The following CTNNA3 variants were observed in gnomAD, a reference collection of about 807,000 sequenced individuals.
The protein encoded by CTNNA3 is catenin alpha 3, also known as catenin alpha-3.
CTNNA3 carries 76 observed loss-of-function variants against 95.7 expected under a neutral mutation model. The ratio of observed to expected loss-of-function variants is 0.79; its 90% CI spans 0.66 to 0.96. The LOEUF (loss-of-function observed/expected upper bound fraction) is 0.96. CTNNA3 is among the 40% of genes least tolerant of loss of function. The pLI is 0.00. For synonymous variants in CTNNA3, 431 were observed against 374.4 expected (o/e 1.15, Z -1.74); for missense variants, 1,191 against 1,089.8 (o/e 1.09, Z -1.31).
Position 66,536,940 on chromosome 10 carries a change from C to T in CTNNA3, c.1375-16167G>A, listed in dbSNP as rs1841679832. Among the ~76,000 whole-genome samples the T allele has an allele frequency of 2.0e-5, 3 of 151,756 alleles. No homozygotes were observed. The South Asian group carries it at 6.2e-4, about 31-fold the overall frequency. On this transcript the variant is annotated intron_variant, in intron 10 of 17. Coordinates refer to ENST00000433211, the MANE Select transcript of CTNNA3 (RefSeq NM_013266.4). ...ATGTATCCTAAAATGTTTAAAGTGA[C>T]ATTTATGCGGTGAAAATAAGCTTCA...
At chr10:67,267,747 G>T (rs2132408281) in intron 5 of CTNNA3, among the ~76,000 whole-genome samples, 2 of 152,288 alleles carry the variant, frequency 1.3e-5, no homozygotes, top group Admixed American at 1.3e-4. Flanking sequence ...ACAATTAAAA[G>T]ATTTAAAATA....
At chr10:67,109,790 C>A (rs1361716242) in intron 7 of CTNNA3, among the ~76,000 whole-genome samples, 1 of 152,120 alleles carries the variant, frequency 6.6e-6, no homozygotes, top group Non-Finnish European at 1.5e-5. Flanking sequence ...TTGCAGTGAG[C>A]CGAGATCGCG....
chr10:66,227,297 A>G lies in CTNNA3; in HGVS notation c.1884+53173T>C, dbSNP rs1326486667. Among the ~76,000 whole-genome samples the G allele has an allele frequency of 2.0e-5, 3 of 151,990 alleles. No individual in the cohort carries two copies. In the East Asian group the frequency reaches 5.8e-4, roughly 29 times the overall value. ...GAAAAGCTTTCAGTTTTCTCCATTC[A>G]GTATATTAGCTGTGGTTTTGTCATA... On this transcript the variant is annotated intron_variant, in intron 13 of 17. Coordinates refer to ENST00000433211, the MANE Select transcript of CTNNA3 (RefSeq NM_013266.4).
intron 3 of CTNNA3, among the ~76,000 whole-genome samples, chr10:67,577,699 CAT>C (rs765885122): frequency 1.0e-4 from 13 of 127,910 alleles, no homozygotes; most frequent in Non-Finnish European, 1.5e-4. Context: ...TATATACACA[CAT>C]ATGTGTGTGT....
At chr10:66,467,782 G>A (rs1839246325) in intron 11 of CTNNA3, among the ~76,000 whole-genome samples, 1 of 152,216 alleles carries the variant, frequency 6.6e-6, no homozygotes, top group African/African-American at 2.4e-5. Flanking sequence ...TTGTATCATA[G>A]CGTATGGTAA....
chr10:67,087,666 C>T (rs1207519645), intron 7 of CTNNA3, among the ~76,000 whole-genome samples: 2 of 151,926 alleles, frequency 1.3e-5, no homozygotes, highest in South Asian at 2.1e-4. Context: ...TGGATTTCTG[C>T]TCACTCATTT....
chr10:67,060,125 G>C (rs1209372855), intron 7 of CTNNA3, among the ~76,000 whole-genome samples: 2 of 151,988 alleles, frequency 1.3e-5, no homozygotes, highest in African/African-American at 4.8e-5. Flanking sequence ...AGACCAGCCT[G>C]GGCAACATGG....
intron 5 of CTNNA3, among the ~76,000 whole-genome samples, chr10:67,493,212 A>G (rs200826467): frequency 0.043 from 5,051 of 116,148 alleles, 146 homozygotes; most frequent in African/African-American, 0.098. Flanking sequence ...AACGTGGGGG[A>G]AAAAAAAAAA....
intron 9 of CTNNA3, among the ~76,000 whole-genome samples, chr10:66,746,237 A>G (rs1028209701): frequency 4.6e-5 from 7 of 152,172 alleles, no homozygotes; most frequent in Admixed American, 4.6e-4. Flanking sequence ...ACAAATTTCA[A>G]GGTAAAAATT....
intron 3 of CTNNA3, among the ~76,000 whole-genome samples, chr10:67,543,182 A>G (rs747387412): frequency 9.2e-5 from 14 of 151,958 alleles, no homozygotes; most frequent in Middle Eastern, 3.4e-3. Flanking sequence ...TAAAAACGGG[A>G]TTTTTTTTAA....
intron 12 of CTNNA3, among the ~76,000 whole-genome samples, chr10:66,363,440 C>T (rs1372496013): frequency 3.8e-4 from 58 of 152,234 alleles, no homozygotes; most frequent in Non-Finnish European, 1.9e-4. Context: ...CATGTAGAGA[C>T]AGCAAGAAGG....
intron 3 of CTNNA3, among the ~76,000 whole-genome samples, chr10:67,556,381 T>G (rs1841254560): frequency 6.6e-6 from 1 of 152,206 alleles, no homozygotes; most frequent in African/African-American, 2.4e-5. Flanking sequence ...ATCCATCTGG[T>G]CCTGGAATTT....
intron 3 of CTNNA3, among the ~76,000 whole-genome samples, chr10:67,563,865 T>A (rs1841642258): frequency 6.7e-6 from 1 of 149,620 alleles, no homozygotes; most frequent in Non-Finnish European, 1.5e-5. Flanking sequence ...AAGAAGACAT[T>A]TATGCAGCCA....
rs528526628 is a variant in CTNNA3, at chr10:67,110,282, T to C, written c.1047+70035A>G. 2.0e-5 allele frequency among the ~76,000 whole-genome samples: 3 copies of C among 152,298 alleles called. No individual in the cohort carries two copies. In the South Asian group the frequency reaches 6.2e-4, roughly 32 times the overall value. On this transcript the variant is annotated intron_variant, in intron 7 of 17. Transcript: ENST00000433211. ...CTATAAATTAAATTATAACAACCTTTAGCTTTTTTAAGTTTCACAATTGTT... is the reference window on the plus strand; with the variant it reads ...CTATAAATTAAATTATAACAACCTTCAGCTTTTTTAAGTTTCACAATTGTT...
intron 15 of CTNNA3, among the ~76,000 whole-genome samples, chr10:66,048,451 C>T (rs1262522235): frequency 1.3e-5 from 2 of 152,120 alleles, no homozygotes; most frequent in Non-Finnish European, 2.9e-5. Context: ...GGACCTCTTC[C>T]TTATACCACA....
intron 13 of CTNNA3, among the ~76,000 whole-genome samples, chr10:66,258,833 T>A (rs2090888704): frequency 6.6e-6 from 1 of 152,134 alleles, no homozygotes; most frequent in African/African-American, 2.4e-5. Flanking sequence ...ACCCCCTAGC[T>A]AAAAAAGGAG....
intron 5 of CTNNA3, among the ~76,000 whole-genome samples, chr10:67,296,669 C>T (rs1222731185): frequency 6.6e-6 from 1 of 151,952 alleles, no homozygotes; most frequent in Non-Finnish European, 1.5e-5. Flanking sequence ...CGTGGCAGCT[C>T]ACGCCTGTAA....
intron 13 of CTNNA3, among the ~76,000 whole-genome samples, chr10:66,249,523 A>C (rs2090466430): frequency 6.6e-6 from 1 of 152,236 alleles, no homozygotes; most frequent in African/African-American, 2.4e-5. Flanking sequence ...CAGGAATATG[A>C]AAAGGTGCTG....
At chr10:66,142,541 T>C (rs984492850) in intron 13 of CTNNA3, among the ~76,000 whole-genome samples, 1 of 152,124 alleles carries the variant, frequency 6.6e-6, no homozygotes, top group Non-Finnish European at 1.5e-5. Flanking sequence ...AAAATAACTT[T>C]CTGAGATTTT....
Sources: allele counts gnomAD v4.1 joint callset (sites outside exome capture counted in the v4.1 genomes callset), GRCh38; gene constraint gnomAD v4.1.1; transcripts MANE v1.5; gene names NCBI Gene and HGNC (gene_info 2026-07-23, HGNC 2026-07-21).